RTN1: variants seen among roughly 807,000 people sequenced by gnomAD.
RTN1 encodes reticulon-1.
In RTN1, 25 loss-of-function variants were observed where a neutral mutation model predicts 65.5. That is an observed-to-expected ratio of 0.38 (90% confidence interval 0.28 to 0.53). The LOEUF (loss-of-function observed/expected upper bound fraction) is 0.53, where lower values mean the gene tolerates loss of function less well. Among genes scored for constraint, RTN1 ranks in the 20% least tolerant of loss-of-function variants. The pLI, the probability that RTN1 is intolerant of heterozygous loss-of-function variation, is 0.79. For synonymous variants in RTN1, 471 were observed against 447.6 expected (o/e 1.05, Z -0.66); for missense variants, 983 against 1,025.4 (o/e 0.96, Z 0.57).
At chr14:59,776,708 T>C (rs75574715) in intron 1 of RTN1, among the ~76,000 whole-genome samples, 3,831 of 152,230 alleles carry the variant, frequency 0.025, 162 homozygotes, top group African/African-American at 0.087. Flanking sequence ...GATGCTCCTT[T>C]GGAGCTTCAT....
chr14:59,675,052 TACACACAC>T (rs5809041), intron 3 of RTN1, among the ~76,000 whole-genome samples: 2 of 148,126 alleles, frequency 1.4e-5, no homozygotes, highest in Non-Finnish European at 3.0e-5. Flanking sequence ...TGCAGATGAA[TACACACAC>T]ACACACACAC....
At chr14:59,799,020 T>C (rs1886490104) in intron 1 of RTN1, among the ~76,000 whole-genome samples, 1 of 152,216 alleles carries the variant, frequency 6.6e-6, no homozygotes, top group Non-Finnish European at 1.5e-5. Flanking sequence ...TCTGAATTTT[T>C]CTAAAAGTGT....
chr14:59,797,920 G>A (rs1886468994), intron 1 of RTN1, among the ~76,000 whole-genome samples: 1 of 152,152 alleles, frequency 6.6e-6, no homozygotes, highest in Non-Finnish European at 1.5e-5. Context: ...TCAAATACGA[G>A]TTTAGTTAGT....
chr14:59,716,151 C>A (rs1004428017), intron 3 of RTN1, among the ~76,000 whole-genome samples: 10 of 152,174 alleles, frequency 6.6e-5, no homozygotes, highest in South Asian at 6.2e-4. Context: ...GATATTAAAT[C>A]TTAAATCTCC....
At chr14:59,674,315 T>A (rs570677344) in intron 3 of RTN1, among the ~76,000 whole-genome samples, 1 of 152,300 alleles carries the variant, frequency 6.6e-6, no homozygotes, top group South Asian at 2.1e-4. Flanking sequence ...AATTCTAATT[T>A]AACAAGCAGT....
intron 3 of RTN1, among the ~76,000 whole-genome samples, chr14:59,685,088 T>G (rs1249948113): frequency 6.6e-6 from 1 of 152,146 alleles, no homozygotes; most frequent in African/African-American, 2.4e-5. Flanking sequence ...ATATGATAAT[T>G]TTAGTAGATG....
At chr14:59,793,323 C>T (rs1886382758) in intron 1 of RTN1, among the ~76,000 whole-genome samples, 1 of 152,200 alleles carries the variant, frequency 6.6e-6, no homozygotes, top group East Asian at 1.9e-4. Context: ...ATCCTAGGCA[C>T]AGGCAGGTGA....
intron 1 of RTN1, among the ~76,000 whole-genome samples, chr14:59,854,660 A>G (rs1346292780): frequency 1.3e-5 from 2 of 151,576 alleles, no homozygotes; most frequent in Non-Finnish European, 2.9e-5. Context: ...AAAAAAAAAA[A>G]AAAATAGATG....
intron 3 of RTN1, among the ~76,000 whole-genome samples, chr14:59,642,690 A>G (rs1488449130): frequency 6.6e-6 from 1 of 152,086 alleles, no homozygotes. Flanking sequence ...CTCTGTTGAA[A>G]TTCTTCATCT....
rs572814503 is a variant in RTN1 at position 59,769,771 on chromosome 14, C to T, written c.242-23290G>A. Among the ~76,000 whole-genome samples, 10 of 152,274 alleles carry T rather than the reference C, an allele frequency of 6.6e-5. 1 individual carries two copies. Among genetic ancestry groups the T allele is most frequent in the Admixed American group, 2.0e-4 (3 of 15,296 alleles). On this transcript the variant is annotated intron_variant, in intron 1 of 8. Coordinates refer to ENST00000267484, the MANE Select transcript of RTN1 (RefSeq NM_021136.3). ...CAGTCTGCTGCCCTCCAGGAGTTTA[C>T]AGTACATTGTCGACAGCTGTGATGA... is the stretch of plus-strand genomic sequence containing the variant.
chr14:59,793,614 C>A (rs948987440), intron 1 of RTN1, among the ~76,000 whole-genome samples: 6 of 149,896 alleles, frequency 4.0e-5, no homozygotes, highest in African/African-American at 1.5e-4. Context: ...AATTCTATTA[C>A]CTTGTCAATT....
intron 1 of RTN1, among the ~76,000 whole-genome samples, chr14:59,852,860 T>G (rs1230707095): frequency 6.6e-6 from 1 of 152,252 alleles, no homozygotes; most frequent in Non-Finnish European, 1.5e-5. Flanking sequence ...CTCTTCCTCA[T>G]AGTCTGACCA....
chr14:59,719,640 T>C (rs182669778), intron 3 of RTN1, among the ~76,000 whole-genome samples: 105 of 152,370 alleles, frequency 6.9e-4, no homozygotes, highest in Non-Finnish European at 1.3e-3. Context: ...TTATGTATTG[T>C]ATTTTTGTAT....
At chr14:59,710,035 CTCTT>C (rs1336099529) in intron 3 of RTN1, among the ~76,000 whole-genome samples, 6 of 145,126 alleles carry the variant, frequency 4.1e-5, no homozygotes, top group Non-Finnish European at 6.0e-5. Flanking sequence ...TCTCCTCTCC[CTCTT>C]TCTTTCTTTT....
At chr14:59,788,910 G>GA (rs1445676759) in intron 1 of RTN1, among the ~76,000 whole-genome samples, 1 of 151,982 alleles carries the variant, frequency 6.6e-6, no homozygotes, top group Non-Finnish European at 1.5e-5. Flanking sequence ...GTCAATTTAG[G>GA]AAAAATTAAC....
intron 1 of RTN1, among the ~76,000 whole-genome samples, chr14:59,781,293 T>C (rs1406868987): frequency 6.6e-6 from 1 of 152,000 alleles, no homozygotes; most frequent in Non-Finnish European, 1.5e-5. Flanking sequence ...TAAAATAACT[T>C]TATTGTAGAA....
intron 1 of RTN1, among the ~76,000 whole-genome samples, chr14:59,848,857 T>C (rs1887454508): frequency 6.6e-6 from 1 of 152,236 alleles, no homozygotes; most frequent in East Asian, 1.9e-4. Context: ...ATTAATTCAC[T>C]TGATACAGTA....
At chr14:59,708,573 T>A (rs1285454934) in intron 3 of RTN1, among the ~76,000 whole-genome samples, 1 of 152,200 alleles carries the variant, frequency 6.6e-6, no homozygotes, top group African/African-American at 2.4e-5. Flanking sequence ...TCAGGCTCAA[T>A]AATATTTATA....
chr14:59,679,786 A>T (rs976546419), intron 3 of RTN1, among the ~76,000 whole-genome samples: 2 of 152,124 alleles, frequency 1.3e-5, no homozygotes, highest in Non-Finnish European at 2.9e-5. Flanking sequence ...AAATATCATA[A>T]TTTTCCAGAG....
Sources: allele counts gnomAD v4.1 joint callset (sites outside exome capture counted in the v4.1 genomes callset), GRCh38; gene constraint gnomAD v4.1.1; transcripts MANE v1.5; gene names NCBI Gene and HGNC (gene_info 2026-07-23, HGNC 2026-07-21).